The following CHD1 variants were observed in gnomAD, a reference collection of about 807,000 sequenced individuals.
CHD1 encodes ATP-dependent chromatin remodeler CHD1.
CHD1 carries 36 observed loss-of-function variants against 224.2 expected under a neutral mutation model. The observed-to-expected ratio is 0.16, with a 90% CI of 0.12 to 0.21. The LOEUF (loss-of-function observed/expected upper bound fraction) is 0.21, where lower values mean the gene tolerates loss of function less well. CHD1 is among the 10% of genes least tolerant of loss of function. The pLI, the probability that CHD1 is intolerant of heterozygous loss-of-function variation, is 1.00. For missense variants in CHD1, 1,378 were observed against 1,994.8 expected, an observed-to-expected ratio of 0.69 and a Z score of 5.89; for synonymous variants, 668 against 658.3, an observed-to-expected ratio of 1.01 and a Z score of -0.23.
intron 2 of CHD1, among the ~76,000 whole-genome samples, chr5:98,919,158 A>G (rs902646019): frequency 5.3e-5 from 8 of 152,218 alleles, no homozygotes; most frequent in African/African-American, 9.6e-5. Context: ...TCTTATTAAA[A>G]TGGAAATTCT....
At chr5:98,881,254 T>C (rs1750160595) in intron 21 of CHD1, 25 bp downstream of exon 21, 2 of 204,742 alleles carry the variant, frequency 9.8e-6, no homozygotes, top group African/African-American at 3.6e-5. Flanking sequence ...AGGCAGGCCT[T>C]TTTTTTTTTT....
chr5:98,922,809 C>A (rs916275752), intron 2 of CHD1, among the ~76,000 whole-genome samples: 6 of 151,996 alleles, frequency 3.9e-5, no homozygotes, highest in Non-Finnish European at 7.4e-5. Context: ...GCCAACATGA[C>A]GAAACACCGT....
intron 2 of CHD1, among the ~76,000 whole-genome samples, chr5:98,921,537 A>G (rs1266806307): frequency 6.6e-6 from 1 of 152,242 alleles, no homozygotes; most frequent in East Asian, 1.9e-4. Context: ...TCCACGGACC[A>G]CAACTGGTGC....
chr5:98,928,367 C>G (rs1370230983), intron 1 of CHD1, among the ~76,000 whole-genome samples, 172 bp downstream of exon 1: 2 of 152,068 alleles, frequency 1.3e-5, no homozygotes, highest in African/African-American at 2.4e-5. Context: ...ACTCGCCGCT[C>G]ACACGCCCCC....
chr5:98,886,939 G>C (rs116772819), intron 17 of CHD1, among the ~76,000 whole-genome samples: 95 of 152,100 alleles, frequency 6.2e-4, no homozygotes, highest in Middle Eastern at 3.4e-3. Context: ...CTAATTTTTT[G>C]TTTGACTATG....
At chr5:98,915,928 C>G (rs1156326851) in intron 2 of CHD1, among the ~76,000 whole-genome samples, 5 of 152,180 alleles carry the variant, frequency 3.3e-5, no homozygotes, top group Non-Finnish European at 5.9e-5. Flanking sequence ...CGCGGTGGCT[C>G]ACACCCAAAA....
intron 9 of CHD1, 62 bp downstream of exon 9, chr5:98,898,602 G>T: frequency 1.6e-6 from 2 of 1,287,044 alleles, no homozygotes; most frequent in South Asian, 1.3e-5. Flanking sequence ...GCAAACTTAT[G>T]ACTTTTTTCA....
Position 98,896,437 on chromosome 5 carries a change from T to C in CHD1, c.1499A>G (p.Asn500Ser), listed in dbSNP as rs1751347455. The C allele has an allele frequency of 1.2e-6, 2 of 1,609,588 alleles. No individual in the cohort carries two copies. The highest frequency in any genetic ancestry group is 1.7e-6 in the Non-Finnish European group (2 of 1,177,308). ...NWLAHSWCKGNSCILADEMGL... is the reference protein window; with the variant it reads ...NWLAHSWCKGSSCILADEMGL... Reference sequence around the variant, plus strand: ...CATTTCATCAGCGAGTATGCAACTATTTCCTCTACAAAGTTAAAAAAAAAT... The same window carrying C: ...CATTTCATCAGCGAGTATGCAACTACTTCCTCTACAAAGTTAAAAAAAAAT... The change falls in exon 12 of 36, where the codon AAT becomes AGT. Residue 500 changes from asparagine to serine, a missense_variant. Around this residue, in one of 16 missense-constraint regions of CHD1, gnomAD observed 49 missense variants for 135.7 expected, o/e 0.36. Coordinates refer to ENST00000614616, the MANE Select transcript of CHD1 (RefSeq NM_001270.4).
At position 98,926,397 on chromosome 5, in the gene CHD1, T is replaced by C; in HGVS notation, c.-11A>G. 7.0e-7 allele frequency: 1 copy of C among 1,431,462 alleles called. No individual in the cohort carries two copies. The highest frequency in any genetic ancestry group is 1.3e-5 in the South Asian group (1 of 74,492). 88.7% of individuals were successfully genotyped at this position (1,431,462 alleles called of 1,614,324 possible). On this transcript the variant is annotated 5_prime_UTR_variant, in exon 2 of 36. It adds an upstream start codon to the 5' untranslated region. Transcript: ENST00000614616. ...ACTGTGTCCATTCATTGTAAATTAT[T>C]ATCAAGAAGTTTTAAAGTAAAATAT...
intron 23 of CHD1, 26 bp from the exon 24 acceptor site, chr5:98,876,584 C>G: frequency 6.2e-7 from 1 of 1,604,204 alleles, no homozygotes; most frequent in South Asian, 1.1e-5. Context: ...ATTTACCCAA[C>G]CTTAGTGTAA....
intron 30 of CHD1, chr5:98,869,238 T>C (rs781400582): frequency 1.0e-6 from 1 of 985,444 alleles, no homozygotes; most frequent in Non-Finnish European, 1.2e-6. Context: ...CTTTCTGTTT[T>C]AATTTTTTTA....
At chr5:98,861,588 A>G (rs1262858181) in intron 32 of CHD1, among the ~76,000 whole-genome samples, 1 of 150,822 alleles carries the variant, frequency 6.6e-6, no homozygotes, top group Admixed American at 6.6e-5. Context: ...TGCGACCTCT[A>G]CCTCCTGGGT....
rs563568366 is a variant in CHD1, at chr5:98,882,896, T to C, written c.2718+192A>G. Among the ~76,000 whole-genome samples the C allele has an allele frequency of 5.3e-5, 8 of 152,304 alleles. No individual in the cohort carries two copies. The South Asian group carries it at 1.7e-3, about 32-fold the overall frequency. On this transcript the variant is annotated intron_variant, in intron 19 of 35. Coordinates refer to ENST00000614616, the MANE Select transcript of CHD1 (RefSeq NM_001270.4). ...AAAACAGAATACATGATCCTATATA[T>C]GCATAGTTATCTCAATTCTGTCAGA...
At chr5:98,923,040 T>G (rs1481866277) in intron 2 of CHD1, among the ~76,000 whole-genome samples, 2 of 152,182 alleles carry the variant, frequency 1.3e-5, no homozygotes, top group Non-Finnish European at 2.9e-5. Flanking sequence ...TATAGAAACT[T>G]TAGTTTTTTT....
Position 98,856,287 on chromosome 5 carries a change from T to C in CHD1, c.*93A>G. The C allele has an allele frequency of 2.3e-6, 2 of 859,734 alleles. No homozygotes were observed. The highest frequency in any genetic ancestry group is 3.3e-5 in the South Asian group (2 of 61,338). The allele number at this position is 859,734 out of a possible 1,614,324, so 53.3% of individuals were successfully genotyped here. Reference sequence around the variant, plus strand: ...AATACTGCTACTGATAGAAGATCTGTTTATATCTTTCAAGTCATGTAAGGC... The same window carrying C: ...AATACTGCTACTGATAGAAGATCTGCTTATATCTTTCAAGTCATGTAAGGC... On this transcript the variant is annotated 3_prime_UTR_variant, in exon 36 of 36. Coordinates refer to ENST00000614616, the MANE Select transcript of CHD1 (RefSeq NM_001270.4).
rs1360681463 is a variant in CHD1, at chr5:98,897,227, T to C, written c.1459A>G (p.Asn487Asp). 1 of 1,612,454 alleles carries C rather than the reference T, an allele frequency of 6.2e-7. No individual in the cohort carries two copies. Among genetic ancestry groups the C allele is most frequent in the African/African-American group, 1.3e-5 (1 of 74,894 alleles). Residue 487 changes from asparagine to aspartate, a missense_variant, in exon 11 of 36, where the codon AAT becomes GAT. Asn to Asp is a conservative substitution (Grantham distance 23). Around this residue, in one of 16 missense-constraint regions of CHD1, gnomAD observed 86 missense variants for 97.7 expected, o/e 0.88. Coordinates refer to ENST00000614616, the MANE Select transcript of CHD1 (RefSeq NM_001270.4). ...EGLELRDYQL[N>D]GLNWLAHSWC... ...GAATGAGCAAGCCAATTTAAACCAT[T>C]CAGTTGATAATCTCTTAATTCTAAG...
Position 98,856,286 on chromosome 5 carries a change from G to A in CHD1, c.*94C>T, listed in dbSNP as rs935863455. On this transcript the variant is annotated 3_prime_UTR_variant, in exon 36 of 36. Coordinates refer to ENST00000614616, the MANE Select transcript of CHD1 (RefSeq NM_001270.4). ...CAATACTGCTACTGATAGAAGATCT[G>A]TTTATATCTTTCAAGTCATGTAAGG... 1 of 851,062 alleles carries A rather than the reference G, an allele frequency of 1.2e-6. No individual in the cohort carries two copies. The highest frequency in any genetic ancestry group is 2.3e-5 in the Admixed American group (1 of 43,104). The allele number at this position is 851,062 out of a possible 1,614,324, so 52.7% of individuals were successfully genotyped here.
intron 4 of CHD1, 33 bp from the exon 5 acceptor site, chr5:98,902,997 C>T (rs1580476388): frequency 7.7e-7 from 1 of 1,294,672 alleles, no homozygotes; most frequent in South Asian, 1.2e-5. Context: ...GTATCATCCA[C>T]TAATGATTAG....
At chr5:98,888,332 A>G (rs1321072636) in intron 16 of CHD1, 92 bp from the exon 17 acceptor site, 16 of 923,740 alleles carry the variant, frequency 1.7e-5, no homozygotes, top group Non-Finnish European at 2.2e-5. Context: ...TTTTAAATTG[A>G]GATTTTAAAT....
Sources: gnomAD v4.1 joint callset for allele counts (sites outside exome capture counted in the v4.1 genomes callset) on GRCh38, gnomAD v4.1.1 for gene constraint, gnomAD v4.1.1 regional missense constraint, MANE v1.5 for transcripts, NCBI Gene and HGNC (gene_info 2026-07-23, HGNC 2026-07-21) for gene names.